KCNT1: variants seen among roughly 807,000 people sequenced by gnomAD.
The protein encoded by KCNT1 is potassium channel subfamily T member 1.
KCNT1 carries 78 observed loss-of-function variants against 147.8 expected under a neutral mutation model. That is an observed-to-expected ratio of 0.53 (90% confidence interval 0.44 to 0.64). The LOEUF (loss-of-function observed/expected upper bound fraction) is 0.64. KCNT1 is among the 30% of genes least tolerant of loss of function. KCNT1 has a pLI of 0.00. For synonymous variants in KCNT1, 867 were observed against 748.8 expected (o/e 1.16, Z -2.58); for missense variants, 1,419 against 1,750.3 (o/e 0.81, Z 3.38).
chr9:135,779,217 A>C, intron 23 of KCNT1, 142 bp from the exon 24 acceptor site: 2 of 481,584 alleles, frequency 4.2e-6, no homozygotes, highest in East Asian at 4.1e-5. Context: ...CCCATAGCCA[A>C]GACAGTGGGC....
chr9:135,779,670 G>A lies in KCNT1; in HGVS notation c.2841+200G>A, dbSNP rs552782096. 6.0e-4 allele frequency among the ~76,000 whole-genome samples: 91 copies of A among 152,366 alleles called. No homozygotes were observed. The South Asian group carries it at 0.015, about 25-fold the overall frequency. ...TGGAACCAGGAGATGGAGGCAGGGCGTTTCCCTGACCGCGTGTGAGGCACT... is the reference window on the plus strand; with the variant it reads ...TGGAACCAGGAGATGGAGGCAGGGCATTTCCCTGACCGCGTGTGAGGCACT... On this transcript the variant is annotated intron_variant, in intron 24 of 30. Transcript: ENST00000371757.
At chr9:135,731,991 T>TATATATATATAGAG (rs1276318460) in intron 2 of KCNT1, among the ~76,000 whole-genome samples, 23 of 21,698 alleles carry the variant, frequency 1.1e-3, no homozygotes, top group Non-Finnish European at 1.3e-3. Flanking sequence ...TATATATATA[T>TATATATATATAGAG]AGAGAGAGAG....
chr9:135,784,001 C>G, intron 24 of KCNT1, 23 bp from the exon 25 acceptor site: 2 of 1,599,060 alleles, frequency 1.3e-6, no homozygotes, highest in South Asian at 2.2e-5. Context: ...ACCAGCCCAT[C>G]TGAGGCCCCT....
chr9:135,716,919 C>T (rs542748948), intron 2 of KCNT1, among the ~76,000 whole-genome samples: 6 of 152,350 alleles, frequency 3.9e-5, no homozygotes, highest in East Asian at 1.9e-4. Context: ...TGTCCTGTGG[C>T]GCTGTCCCTC....
chr9:135,707,290 C>T (rs949652731), intron 1 of KCNT1, among the ~76,000 whole-genome samples: 58 of 152,080 alleles, frequency 3.8e-4, no homozygotes, highest in Admixed American at 9.2e-4. Flanking sequence ...AGAGGGGCGG[C>T]TTCTCCTCCA....
chr9:135,793,966 G>GCCCCGCCCCGCAGTCA lies in KCNT1; in HGVS notation c.*1808_*1809insCGCCCCGCAGTCACCC, dbSNP rs547735453. 6.6e-6 allele frequency: 1 copy of GCCCCGCCCCGCAGTCA among 152,028 alleles called. No homozygotes were observed. Among genetic ancestry groups the GCCCCGCCCCGCAGTCA allele is most frequent in the African/African-American group, 2.5e-5 (1 of 40,756 alleles). 9.4% of individuals were successfully genotyped at this position (152,028 alleles called of 1,614,324 possible). On this transcript the variant is annotated 3_prime_UTR_variant, in exon 31 of 31. Transcript: ENST00000371757. ...CCCGCAGTCACCCCGCCCCGCAGTC[G>GCCCCGCCCCGCAGTCA]CCCTGCAGCTGGAAGGCCCAAGTCT...
intron 24 of KCNT1, among the ~76,000 whole-genome samples, chr9:135,781,450 T>A (rs1022334362): frequency 6.4e-4 from 98 of 152,232 alleles, no homozygotes; most frequent in African/African-American, 2.2e-3. Flanking sequence ...AGGGGCTGCG[T>A]CTTCTCCAGC....
At chr9:135,774,184 T>G (rs551776594) in intron 19 of KCNT1, among the ~76,000 whole-genome samples, 7 of 148,668 alleles carry the variant, frequency 4.7e-5, no homozygotes, top group Non-Finnish European at 1.5e-5. Flanking sequence ...GTGTGTGTGA[T>G]GTGTGTCTGA....
At chr9:135,749,280 G>A (rs868379803) in intron 2 of KCNT1, among the ~76,000 whole-genome samples, 31 of 152,314 alleles carry the variant, frequency 2.0e-4, no homozygotes, top group African/African-American at 6.3e-4. Flanking sequence ...AGGTGGCCAC[G>A]GTAGGTGAGC....
intron 28 of KCNT1, chr9:135,785,712 C>A: frequency 2.1e-6 from 1 of 482,002 alleles, no homozygotes; most frequent in Non-Finnish European, 3.8e-6. Flanking sequence ...TTCCCAGCAC[C>A]CCACGACCCA....
At chr9:135,727,243 CCCTCT>C (rs1836241713) in intron 2 of KCNT1, among the ~76,000 whole-genome samples, 1 of 115,148 alleles carries the variant, frequency 8.7e-6, no homozygotes, top group South Asian at 3.7e-4. Context: ...TTCTCTCTCC[CCCTCT>C]CTCTCTCCCT....
rs1157792513 is a variant in KCNT1 at position 135,727,372 on chromosome 9, C to CCTCTCCCTCT, written c.254+12670_254+12679dup. Among the ~76,000 whole-genome samples, 176 of 123,592 alleles carry CCTCTCCCTCT rather than the reference C, an allele frequency of 1.4e-3. 1 individual carries two copies. Among genetic ancestry groups the CCTCTCCCTCT allele is most frequent in the African/African-American group, 5.0e-3 (159 of 32,052 alleles). The allele number at this position is 123,592 out of a possible 152,430, so 81.1% of individuals were successfully genotyped here. ...CTCTTTCCCATTCTCTCTCTCTCTC[C>CCTCTCCCTCT]CTCTCCCTCTCTCTCCCTCTCTCTC... On this transcript the variant is annotated intron_variant, in intron 2 of 30. Transcript: ENST00000371757.
At chr9:135,733,551 C>T (rs1293868718) in intron 2 of KCNT1, among the ~76,000 whole-genome samples, 1 of 21,078 alleles carries the variant, frequency 4.7e-5, no homozygotes, top group Non-Finnish European at 9.1e-5. Context: ...TGCCCCTGCA[C>T]CTGCCCCCAC....
chr9:135,785,525 A>C (rs1382274883), intron 28 of KCNT1, 195 bp downstream of exon 28: 1 of 715,220 alleles, frequency 1.4e-6, no homozygotes, highest in Non-Finnish European at 2.4e-6. Flanking sequence ...TCCCTCCTGC[A>C]CTGGTGGTGG....
intron 1 of KCNT1, among the ~76,000 whole-genome samples, chr9:135,710,354 C>T (rs1365888764): frequency 3.3e-5 from 5 of 152,212 alleles, no homozygotes; most frequent in Non-Finnish European, 7.3e-5. Flanking sequence ...AGCACCGGCC[C>T]TCCCAAGGCA....
chr9:135,772,598 C>T (rs1036325538), intron 18 of KCNT1, 117 bp from the exon 19 acceptor site: 22 of 650,794 alleles, frequency 3.4e-5, no homozygotes, highest in Non-Finnish European at 4.7e-5. Context: ...AGCTGGAGCA[C>T]AGGAGCCAGG....
chr9:135,766,941 G>A (rs542858772), intron 13 of KCNT1, among the ~76,000 whole-genome samples: 3 of 152,294 alleles, frequency 2.0e-5, no homozygotes, highest in South Asian at 4.1e-4. Flanking sequence ...GTGGGAGAAC[G>A]GGCTGAAGGT....
At chr9:135,786,558 G>C in intron 29 of KCNT1, 37 bp downstream of exon 29, 2 of 1,523,542 alleles carry the variant, frequency 1.3e-6, no homozygotes, top group Non-Finnish European at 1.8e-6. Context: ...CCGGACGGAC[G>C]GACTGGGCCA....
Position 135,770,794 on chromosome 9 carries a change from A to C in KCNT1, c.1770-63A>C. On this transcript the variant is annotated intron_variant, in intron 17 of 30. Coordinates refer to ENST00000371757, the MANE Select transcript of KCNT1 (RefSeq NM_020822.3). The stretch of plus-strand genomic sequence containing the variant: ...GACTCTGGTGATTTGCAGGAAGGGC[A>C]GGCAGGGAGCGGGACAGGGCGGGTG... The C allele has an allele frequency of 5.7e-6, 8 of 1,411,688 alleles. No individual in the cohort carries two copies. In the Middle Eastern group the frequency reaches 7.5e-4, roughly 133 times the overall value. The allele number at this position is 1,411,688 out of a possible 1,614,324, so 87.4% of individuals were successfully genotyped here.
Sources: allele counts gnomAD v4.1 joint callset (sites outside exome capture counted in the v4.1 genomes callset), GRCh38; gene constraint gnomAD v4.1.1; transcripts MANE v1.5; gene names NCBI Gene and HGNC (gene_info 2026-07-23, HGNC 2026-07-21).